The following BCAS1 variants were observed in gnomAD, a reference collection of about 807,000 sequenced individuals.
The protein encoded by BCAS1 is brain enriched myelin associated protein 1, also known as breast carcinoma-amplified sequence 1.
Under a neutral mutation model 65.4 loss-of-function variants are expected in BCAS1, and 46 were observed. That is an observed-to-expected ratio of 0.70 (90% CI 0.55 to 0.90). The LOEUF (loss-of-function observed/expected upper bound fraction) is 0.90, where lower values mean the gene tolerates loss of function less well. Ranked by LOEUF, BCAS1 falls within the 40% of genes least tolerant of loss-of-function variation. The pLI is 0.00. For synonymous variants in BCAS1, 298 were observed against 293.5 expected (o/e 1.02, Z -0.16); for missense variants, 793 against 771.2 (o/e 1.03, Z -0.33).
At chr20:54,024,571 C>T (rs1228596443) in intron 4 of BCAS1, among the ~76,000 whole-genome samples, 1 of 152,138 alleles carries the variant, frequency 6.6e-6, no homozygotes, top group Non-Finnish European at 1.5e-5. Context: ...AGTATTTAAA[C>T]CTTTGGGACT....
At chr20:54,004,211 G>T (rs747601505) in intron 4 of BCAS1, among the ~76,000 whole-genome samples, 1 of 152,142 alleles carries the variant, frequency 6.6e-6, no homozygotes, top group Non-Finnish European at 1.5e-5. Context: ...CCCAGCGAGC[G>T]TTCTAGTCCT....
intron 9 of BCAS1, among the ~76,000 whole-genome samples, chr20:53,967,986 T>C (rs2090080144): frequency 6.6e-6 from 1 of 152,226 alleles, no homozygotes. Context: ...TAACTGTTTC[T>C]GTGTGGCTCC....
intron 9 of BCAS1, among the ~76,000 whole-genome samples, chr20:53,970,210 C>T (rs2090144127): frequency 6.6e-6 from 1 of 152,134 alleles, no homozygotes; most frequent in Non-Finnish European, 1.5e-5. Context: ...TGAGCCTTTC[C>T]AAATGTTGAG....
chr20:53,962,771 G>A (rs1257093656), intron 10 of BCAS1, among the ~76,000 whole-genome samples: 1 of 152,144 alleles, frequency 6.6e-6, no homozygotes, highest in Non-Finnish European at 1.5e-5. Context: ...ATCTCTATGT[G>A]TTGAATGCAC....
intron 12 of BCAS1, among the ~76,000 whole-genome samples, chr20:53,949,523 A>G (rs1030924469): frequency 2.0e-5 from 3 of 152,184 alleles, no homozygotes; most frequent in Non-Finnish European, 4.4e-5. Flanking sequence ...GTGGGTGGTG[A>G]CAGGCTCGGC....
At chr20:53,955,297 G>A (rs908597872) in intron 11 of BCAS1, among the ~76,000 whole-genome samples, 1 of 152,184 alleles carries the variant, frequency 6.6e-6, no homozygotes, top group Non-Finnish European at 1.5e-5. Context: ...ACCTTGAGAA[G>A]CTCTTCTGTA....
At chr20:53,993,392 C>T (rs1386443083) in intron 6 of BCAS1, among the ~76,000 whole-genome samples, 1 of 152,154 alleles carries the variant, frequency 6.6e-6, no homozygotes, top group Non-Finnish European at 1.5e-5. Flanking sequence ...ATCAAAATTG[C>T]AAGGTATGAG....
chr20:53,961,241 A>G (rs1365656515), intron 10 of BCAS1, among the ~76,000 whole-genome samples: 1 of 152,242 alleles, frequency 6.6e-6, no homozygotes, highest in Non-Finnish European at 1.5e-5. Flanking sequence ...AGGGAATGTT[A>G]ATGTATTTTG....
intron 12 of BCAS1, among the ~76,000 whole-genome samples, chr20:53,952,184 TATATC>T: frequency 6.6e-6 from 1 of 152,256 alleles, no homozygotes; most frequent in Non-Finnish European, 1.5e-5. Context: ...TCCAACTTTA[TATATC>T]ATATTTTGGT....
Position 54,058,665 on chromosome 20 carries a change from T to C in BCAS1, c.54A>G (p.Pro18=), listed in dbSNP as rs2092335510. The C allele has an allele frequency of 1.9e-6, 3 of 1,609,856 alleles. No individual in the cohort carries two copies. The highest frequency in any genetic ancestry group is 1.7e-5 in the Admixed American group (1 of 59,838). Residue 18 remains proline, a synonymous_variant, in exon 2 of 13, where the codon CCA becomes CCG. Transcript: ENST00000688948. ...ACACTACCTGGTAAGTCTCTGCTTC[T>C]GGTTCATTCTCTTGGTCTTCAACTC... The part of the protein sequence containing the change: ...PQRVEDQENE[P]EAETYQDNAS...
chr20:53,963,913 C>T (rs916294419), intron 10 of BCAS1, among the ~76,000 whole-genome samples: 1 of 152,302 alleles, frequency 6.6e-6, no homozygotes, highest in Admixed American at 6.5e-5. Context: ...TACAGGCTTG[C>T]GAAGCAGCTG....
At chr20:54,042,924 T>C (rs1484098450) in intron 3 of BCAS1, among the ~76,000 whole-genome samples, 1 of 152,202 alleles carries the variant, frequency 6.6e-6, no homozygotes, top group East Asian at 1.9e-4. Context: ...ATAGGCCAGG[T>C]GGGCCCTGCT....
intron 4 of BCAS1, among the ~76,000 whole-genome samples, chr20:53,998,717 C>T (rs1412559522): frequency 6.6e-6 from 1 of 152,230 alleles, no homozygotes; most frequent in African/African-American, 2.4e-5. Context: ...ATTACATGTA[C>T]ACCAGTGCTT....
chr20:53,957,541 G>A (rs748636352), intron 10 of BCAS1, 44 bp from the exon 11 acceptor site: 7 of 1,561,936 alleles, frequency 4.5e-6, no homozygotes, highest in African/African-American at 1.4e-5. Context: ...CAAGTACAGT[G>A]ACGTGGAGAA....
intron 4 of BCAS1, among the ~76,000 whole-genome samples, chr20:54,023,824 C>T (rs535108522): frequency 1.3e-5 from 2 of 152,224 alleles, no homozygotes; most frequent in South Asian, 2.1e-4. Context: ...CCTTTCTCAC[C>T]CAAGTTAGGA....
intron 1 of BCAS1, among the ~76,000 whole-genome samples, chr20:54,061,352 C>T (rs182952635): frequency 6.6e-6 from 1 of 152,194 alleles, no homozygotes; most frequent in Admixed American, 6.5e-5. Context: ...TATATCTGAT[C>T]CCTACACAAG....
intron 6 of BCAS1, among the ~76,000 whole-genome samples, chr20:53,994,289 T>C (rs2090844008): frequency 6.6e-6 from 1 of 152,228 alleles, no homozygotes; most frequent in Non-Finnish European, 1.5e-5. Context: ...TTAAACCGTG[T>C]ATTCCACTAG....
At chr20:54,045,386 G>A (rs1568916302) in intron 3 of BCAS1, among the ~76,000 whole-genome samples, 1 of 152,230 alleles carries the variant, frequency 6.6e-6, no homozygotes, top group Non-Finnish European at 1.5e-5. Flanking sequence ...AGTTATACCA[G>A]TTGAATTTGG....
chr20:54,031,140 A>AAAGC (rs1189358458), intron 3 of BCAS1, among the ~76,000 whole-genome samples: 3 of 151,570 alleles, frequency 2.0e-5, no homozygotes, highest in African/African-American at 7.2e-5. Flanking sequence ...CACTGGCTGG[A>AAAGC]AAGCAAAGGA....
Sources: gnomAD v4.1 joint callset for allele counts (sites outside exome capture counted in the v4.1 genomes callset) on GRCh38, gnomAD v4.1.1 for gene constraint, MANE v1.5 for transcripts, NCBI Gene and HGNC (gene_info 2026-07-23, HGNC 2026-07-21) for gene names.